WIPI1: variants seen among roughly 807,000 people sequenced by gnomAD.
The protein encoded by WIPI1 is WD repeat domain, phosphoinositide interacting 1, also known as WD repeat domain phosphoinositide-interacting protein 1.
A neutral mutation model predicts 55.3 loss-of-function variants in WIPI1; 45 were observed. The ratio of observed to expected loss-of-function variants is 0.81; its 90% CI spans 0.64 to 1.04. The LOEUF (loss-of-function observed/expected upper bound fraction) is 1.04, where lower values mean the gene tolerates loss of function less well. Ranked by LOEUF, WIPI1 falls within the 50% of genes least tolerant of loss-of-function variation. The pLI, the probability that WIPI1 is intolerant of heterozygous loss-of-function variation, is 0.00. For synonymous variants in WIPI1, 195 were observed against 217.6 expected, an observed-to-expected ratio of 0.90 and a Z score of 0.92; for missense variants, 445 against 559.0, an observed-to-expected ratio of 0.80 and a Z score of 2.06.
chr17:68,444,734 TATGGATGTACAC>T, intron 3 of WIPI1, 145 bp from the exon 4 acceptor site: 1 of 620,890 alleles, frequency 1.6e-6, no homozygotes, highest in Non-Finnish European at 2.7e-6. Flanking sequence ...AGATTGTGTT[TATGGATGTACAC>T]ACATACACAT....
intron 12 of WIPI1, 99 bp from the exon 13 acceptor site, chr17:68,421,919 AGAG>A: frequency 2.7e-6 from 4 of 1,500,486 alleles, no homozygotes; most frequent in Non-Finnish European, 3.7e-6. Context: ...GTGAGCAGGG[AGAG>A]GCTGGGCACT....
chr17:68,457,459 C>A lies in WIPI1; in HGVS notation c.-38G>T, dbSNP rs755891041. ...CCGGGAAGCCGCAGCTCGGAGCCGG[C>A]GACAGCCACCTCAGCAGCCCGCCCG... On this transcript the variant is annotated 5_prime_UTR_variant, in exon 1 of 13. Coordinates refer to ENST00000262139, the MANE Select transcript of WIPI1 (RefSeq NM_017983.7). 3 of 1,441,106 alleles carry A rather than the reference C, an allele frequency of 2.1e-6. No individual in the cohort carries two copies. The highest frequency in any genetic ancestry group is 2.8e-5 in the South Asian group (2 of 70,564). The allele number at this position is 1,441,106 out of a possible 1,614,324, so 89.3% of individuals were successfully genotyped here. A position where few individuals can be genotyped will look rare whatever the true frequency, so the allele number is the denominator to read the frequency against.
At chr17:68,451,733 T>A (rs1471973965) in intron 2 of WIPI1, among the ~76,000 whole-genome samples, 1 of 152,114 alleles carries the variant, frequency 6.6e-6, no homozygotes, top group Non-Finnish European at 1.5e-5. Context: ...CCACCCCCTA[T>A]CTTGCTGTGC....
chr17:68,421,864 G>A, intron 12 of WIPI1, 44 bp from the exon 13 acceptor site: 1 of 1,613,182 alleles, frequency 6.2e-7, no homozygotes. Context: ...CTCAGGAAGA[G>A]GCTGGTAGGC....
intron 2 of WIPI1, 116 bp from the exon 3 acceptor site, chr17:68,451,013 C>T (rs754984708): frequency 3.3e-5 from 46 of 1,375,886 alleles, no homozygotes; most frequent in Non-Finnish European, 4.1e-5. Context: ...CGGGTCTTGC[C>T]GGCCAGGCGC....
chr17:68,426,249 C>CGGGGGGGGGGGGGGGGGG, intron 11 of WIPI1, 74 bp from the exon 12 acceptor site: 1 of 776,014 alleles, frequency 1.3e-6, no homozygotes, highest in African/African-American at 1.9e-5. Flanking sequence ...GGGTGGGGAG[C>CGGGGGGGGGGGGGGGGGG]GGGGGCTCAA....
Sources: allele counts gnomAD v4.1 joint callset (sites outside exome capture counted in the v4.1 genomes callset), GRCh38; gene constraint gnomAD v4.1.1; transcripts MANE v1.5; gene names NCBI Gene and HGNC (gene_info 2026-07-23, HGNC 2026-07-21).